DPP10: variants seen among roughly 807,000 people sequenced by gnomAD.
DPP10 encodes inactive dipeptidyl peptidase 10.
DPP10 carries 33 observed loss-of-function variants against 120.9 expected under a neutral mutation model. The ratio of observed to expected loss-of-function variants is 0.27; its 90% CI spans 0.21 to 0.37. The LOEUF (loss-of-function observed/expected upper bound fraction) is 0.37. Ranked by LOEUF, DPP10 falls within the 10% of genes least tolerant of loss-of-function variation. The pLI is 1.00. For synonymous variants in DPP10, 337 were observed against 326.1 expected, an observed-to-expected ratio of 1.03 and a Z score of -0.36; for missense variants, 816 against 942.8, an observed-to-expected ratio of 0.87 and a Z score of 1.76.
chr2:114,596,108 A>G (rs1369156542), intron 1 of DPP10, among the ~76,000 whole-genome samples: 1 of 151,466 alleles, frequency 6.6e-6, no homozygotes, highest in African/African-American at 2.4e-5. Flanking sequence ...TTTGGAGCAC[A>G]CATTTAAAAA....
At chr2:114,758,854 G>T (rs1174822698) in intron 1 of DPP10, among the ~76,000 whole-genome samples, 1 of 152,138 alleles carries the variant, frequency 6.6e-6, no homozygotes, top group Non-Finnish European at 1.5e-5. Flanking sequence ...GTTTCATCGT[G>T]AAATTAAAAA....
At chr2:115,701,110 T>C (rs1260228306) in intron 7 of DPP10, among the ~76,000 whole-genome samples, 3 of 152,152 alleles carry the variant, frequency 2.0e-5, no homozygotes, top group South Asian at 4.1e-4. Context: ...TCGTATGAAA[T>C]TTCATAGGGC....
intron 10 of DPP10, among the ~76,000 whole-genome samples, chr2:115,752,189 G>C (rs1225789939): frequency 2.0e-5 from 3 of 152,176 alleles, no homozygotes; most frequent in East Asian, 1.9e-4. Context: ...ATGAGATTGG[G>C]CATGTTCAGG....
chr2:115,036,543 T>C (rs1410144503), intron 1 of DPP10, among the ~76,000 whole-genome samples: 1 of 152,172 alleles, frequency 6.6e-6, no homozygotes, highest in Admixed American at 6.5e-5. Context: ...CGCACCATTG[T>C]AAAGGGATAC....
At chr2:115,159,069 A>G (rs6542249) in intron 1 of DPP10, among the ~76,000 whole-genome samples, 102,177 of 151,852 alleles carry the variant, frequency 0.67, 34,564 homozygotes, top group East Asian at 0.76. Context: ...GAAGATAGGC[A>G]TTTGATTTAT....
chr2:114,709,420 T>C (rs1031622240), intron 1 of DPP10, among the ~76,000 whole-genome samples: 1 of 152,196 alleles, frequency 6.6e-6, no homozygotes, highest in Non-Finnish European at 1.5e-5. Flanking sequence ...ATTCCCTGTG[T>C]AAAAAATGCC....
intron 1 of DPP10, among the ~76,000 whole-genome samples, chr2:115,034,869 C>T (rs559419776): frequency 1.3e-5 from 2 of 152,312 alleles, no homozygotes; most frequent in South Asian, 2.1e-4. Context: ...TTTCAAACAC[C>T]AGAGCTGGTC....
intron 1 of DPP10, among the ~76,000 whole-genome samples, chr2:114,870,314 T>G (rs940391127): frequency 6.6e-6 from 1 of 152,190 alleles, no homozygotes. Flanking sequence ...GTAAATGGTG[T>G]AATGCATATA....
At chr2:115,320,517 TGG>T (rs1341718824) in intron 2 of DPP10, among the ~76,000 whole-genome samples, 2 of 151,984 alleles carry the variant, frequency 1.3e-5, no homozygotes, top group African/African-American at 2.4e-5. Flanking sequence ...ATGGTTATGT[TGG>T]TCATCATAAT....
intron 4 of DPP10, among the ~76,000 whole-genome samples, chr2:115,502,566 G>C (rs1053331453): frequency 6.6e-6 from 1 of 152,118 alleles, no homozygotes; most frequent in Non-Finnish European, 1.5e-5. Context: ...TATCACCAGT[G>C]ACCACGGCTG....
At chr2:115,515,275 G>A (rs915190551) in intron 4 of DPP10, among the ~76,000 whole-genome samples, 5 of 151,862 alleles carry the variant, frequency 3.3e-5, no homozygotes, top group Non-Finnish European at 7.4e-5. Context: ...AGTTTATATT[G>A]CAATTTATTA....
At chr2:115,623,391 T>A (rs1001969130) in intron 5 of DPP10, among the ~76,000 whole-genome samples, 1 of 152,238 alleles carries the variant, frequency 6.6e-6, no homozygotes, top group Non-Finnish European at 1.5e-5. Flanking sequence ...TTGGAGGGAA[T>A]GATTGAAATG....
At chr2:115,161,929 A>T in intron 1 of DPP10, 1 of 1,441,182 alleles carries the variant, frequency 6.9e-7, no homozygotes, top group Non-Finnish European at 9.1e-7. Flanking sequence ...GCCCGCGAGG[A>T]AGCGAGCGCC....
intron 1 of DPP10, among the ~76,000 whole-genome samples, chr2:115,003,750 A>T (rs2105022669): frequency 6.6e-6 from 1 of 152,258 alleles, no homozygotes; most frequent in South Asian, 2.1e-4. Context: ...ATTGACCAAA[A>T]TTTTTATAGA....
intron 1 of DPP10, among the ~76,000 whole-genome samples, chr2:114,481,946 A>G (rs1437126859): frequency 6.7e-6 from 1 of 150,374 alleles, no homozygotes; most frequent in Admixed American, 6.6e-5. Flanking sequence ...AAGAAGGAGA[A>G]GAGAGGAGGA....
chr2:115,227,466 A>T (rs2105461212), intron 1 of DPP10, among the ~76,000 whole-genome samples: 1 of 152,262 alleles, frequency 6.6e-6, no homozygotes, highest in Admixed American at 6.5e-5. Context: ...AGTGAAGTTC[A>T]TCCTTCTTAG....
intron 5 of DPP10, among the ~76,000 whole-genome samples, chr2:115,683,619 T>G (rs1455030355): frequency 4.6e-5 from 7 of 151,874 alleles, no homozygotes; most frequent in Admixed American, 3.3e-4. Flanking sequence ...GTACTCTCTG[T>G]AACTTCCACT....
chr2:115,767,684 G>A (rs1229512022), intron 12 of DPP10, among the ~76,000 whole-genome samples: 1 of 152,004 alleles, frequency 6.6e-6, no homozygotes, highest in Non-Finnish European at 1.5e-5. Flanking sequence ...TGGGGTCACA[G>A]TTGTAGGTGG....
At chr2:115,035,034 C>A (rs771450460) in intron 1 of DPP10, among the ~76,000 whole-genome samples, 7 of 152,208 alleles carry the variant, frequency 4.6e-5, no homozygotes, top group Non-Finnish European at 8.8e-5. Flanking sequence ...AGCTACCCTG[C>A]CAGTCATGCC....
Sources: allele counts gnomAD v4.1 joint callset (sites outside exome capture counted in the v4.1 genomes callset), GRCh38; gene constraint gnomAD v4.1.1; transcripts MANE v1.5; gene names NCBI Gene and HGNC (gene_info 2026-07-23, HGNC 2026-07-21).